The following TRAIP variants were observed in gnomAD, a reference collection of about 807,000 sequenced individuals.
The protein encoded by TRAIP is E3 ubiquitin-protein ligase TRAIP.
In TRAIP, 37 loss-of-function variants were observed where a neutral mutation model predicts 65.0. That is an observed-to-expected ratio of 0.57 (90% CI 0.44 to 0.75). The LOEUF (loss-of-function observed/expected upper bound fraction) is 0.75. Ranked by LOEUF, TRAIP falls within the 30% of genes least tolerant of loss-of-function variation. TRAIP has a pLI of 0.00. For missense variants in TRAIP, 481 were observed against 579.4 expected (o/e 0.83, Z 1.74); for synonymous variants, 187 against 219.1 (o/e 0.85, Z 1.29).
chr3:49,847,821 A>G (rs147667048), intron 2 of TRAIP, among the ~76,000 whole-genome samples: 5 of 152,212 alleles, frequency 3.3e-5, no homozygotes, highest in East Asian at 1.9e-4. Flanking sequence ...CACTGAAGTC[A>G]TATTACTACA....
In TRAIP at chr3:49,844,455, C is replaced by T. The variant is rs778365250; in HGVS notation, c.280+86G>A. 111 of 1,482,988 alleles carry T rather than the reference C, an allele frequency of 7.5e-5. 1 individual carries two copies. The Middle Eastern group carries it at 8.5e-4, about 11-fold the overall frequency. The allele number at this position is 1,482,988 out of a possible 1,614,324, so 91.9% of individuals were successfully genotyped here. On this transcript the variant is annotated intron_variant, in intron 4 of 14. Coordinates refer to ENST00000331456, the MANE Select transcript of TRAIP (RefSeq NM_005879.3). ...AGGGAAAGGCCCTGGCTCTCCCAAACGGTTTGAAACCTTCCTCCTAGGGCC... is the reference window on the plus strand; with the variant it reads ...AGGGAAAGGCCCTGGCTCTCCCAAATGGTTTGAAACCTTCCTCCTAGGGCC...
At position 49,841,687 on chromosome 3, in the gene TRAIP, T is replaced by C. The variant is rs922523726; in HGVS notation, c.617+139A>G. ...GCCACATAGTTGCTGAAAGGTGGAA[T>C]CAGGGTTCAAACAAAGGCAGCATGG... On this transcript the variant is annotated intron_variant, in intron 7 of 14. Transcript: ENST00000331456. 11 of 644,236 alleles carry C rather than the reference T, an allele frequency of 1.7e-5. No homozygotes were observed. The Admixed American group carries it at 3.2e-4, about 18-fold the overall frequency. 39.9% of individuals were successfully genotyped at this position (644,236 alleles called of 1,614,324 possible).
intron 3 of TRAIP, among the ~76,000 whole-genome samples, chr3:49,846,472 G>A (rs2081883469): frequency 6.6e-6 from 1 of 152,138 alleles, no homozygotes; most frequent in Admixed American, 6.6e-5. Flanking sequence ...TGTCCAAGCA[G>A]CAAAGTAGGC....
intron 10 of TRAIP, among the ~76,000 whole-genome samples, chr3:49,833,426 C>T (rs1039675974): frequency 6.6e-6 from 1 of 152,118 alleles, no homozygotes; most frequent in Non-Finnish European, 1.5e-5. Context: ...GCCTCCCTCA[C>T]TCCCCATATC....
intron 1 of TRAIP, among the ~76,000 whole-genome samples, chr3:49,849,173 T>G (rs2081910704): frequency 6.6e-6 from 1 of 150,702 alleles, no homozygotes; most frequent in Non-Finnish European, 1.5e-5. Context: ...AAATTTTTTG[T>G]TTTTTTGTTT....
chr3:49,844,690 G>A, intron 3 of TRAIP, 110 bp from the exon 4 acceptor site: 2 of 1,265,304 alleles, frequency 1.6e-6, no homozygotes, highest in Non-Finnish European at 2.3e-6. Flanking sequence ...GGCCTTCTAG[G>A]GCATGAATCC....
At chr3:49,829,984 A>G in intron 12 of TRAIP, 36 bp downstream of exon 12, 1 of 1,613,380 alleles carries the variant, frequency 6.2e-7, no homozygotes, top group East Asian at 2.2e-5. Flanking sequence ...CAGTCCTGCC[A>G]AAGGTTAGAC....
At chr3:49,840,874 C>G (rs2081833270) in intron 8 of TRAIP, 111 bp downstream of exon 8, 4 of 992,400 alleles carry the variant, frequency 4.0e-6, no homozygotes, top group Non-Finnish European at 6.3e-6. Flanking sequence ...CTCCAGCTGC[C>G]CCAGGGAGTC....
chr3:49,839,786 G>A lies in TRAIP; in HGVS notation c.870C>T (p.Arg290=), dbSNP rs575495088. 25 of 1,614,208 alleles carry A rather than the reference G, an allele frequency of 1.5e-5. 1 individual carries two copies. The South Asian group carries it at 1.9e-4, about 12-fold the overall frequency. The change falls in exon 10 of 15, where the codon CGC becomes CGT. Residue 290 remains arginine, a synonymous_variant. Transcript: ENST00000331456. ...LPPVASETVD[R]LVLESPAPVE... is the part of the protein sequence containing the mutation. ...GCTCAACAAACCTCTCTAAAACCAGGCGGTCGACAGTCTCACTGGCCACTG... is the reference window on the plus strand; with the variant it reads ...GCTCAACAAACCTCTCTAAAACCAGACGGTCGACAGTCTCACTGGCCACTG...
At chr3:49,842,667 C>A in intron 5 of TRAIP, 120 bp from the exon 6 acceptor site, 1 of 884,530 alleles carries the variant, frequency 1.1e-6, no homozygotes. Context: ...TGCTGATAAC[C>A]ATGTACTCCC....
intron 6 of TRAIP, among the ~76,000 whole-genome samples, chr3:49,842,242 T>C (rs1029668170): frequency 3.3e-5 from 5 of 152,066 alleles, no homozygotes; most frequent in African/African-American, 1.2e-4. Flanking sequence ...CAGGGAGGAA[T>C]GTGGCAAGGG....
At chr3:49,831,805 G>A in intron 11 of TRAIP, 111 bp downstream of exon 11, 1 of 1,292,950 alleles carries the variant, frequency 7.7e-7, no homozygotes, top group Non-Finnish European at 1.0e-6. Context: ...GCCAAGCCTA[G>A]GCAACCCTCA....
At position 49,829,129 on chromosome 3, in the gene TRAIP, T is replaced by C; in HGVS notation, c.1384A>G (p.Lys462Glu). 3 of 1,614,228 alleles carry C rather than the reference T, an allele frequency of 1.9e-6. No homozygotes were observed. The highest frequency in any genetic ancestry group is 3.3e-5 in the Admixed American group (2 of 60,024). Reference sequence around the variant, plus strand: ...CACGACCACAGGAAGGTGTCCAGCTTGGCCTGGAAGAGAGAAGGCACTGTC... The same window carrying C: ...CACGACCACAGGAAGGTGTCCAGCTCGGCCTGGAAGAGAGAAGGCACTGTC... ...VKTVPSLFQAKLDTFLWS is the reference protein window; with the variant it reads ...VKTVPSLFQAELDTFLWS The change falls in exon 15 of 15, where the codon AAG (lysine) becomes GAG (glutamate). Residue 462 changes from lysine to glutamate, a missense_variant. Coordinates refer to ENST00000331456, the MANE Select transcript of TRAIP (RefSeq NM_005879.3).
At chr3:49,842,373 C>G (rs2081846571) in intron 6 of TRAIP, 80 bp downstream of exon 6, 1 of 1,413,352 alleles carries the variant, frequency 7.1e-7, no homozygotes, top group African/African-American at 1.4e-5. Flanking sequence ...CAATCCCACT[C>G]CCTGCTGCAG....
intron 11 of TRAIP, 126 bp from the exon 12 acceptor site, chr3:49,830,194 C>T (rs1340080720): frequency 2.1e-5 from 22 of 1,066,758 alleles, no homozygotes; most frequent in Non-Finnish European, 2.8e-5. Context: ...GCATTCTGGG[C>T]AAGGCACCTC....
chr3:49,856,304 C>G (rs1389985278), intron 1 of TRAIP, 52 bp downstream of exon 1: 5 of 1,524,444 alleles, frequency 3.3e-6, no homozygotes, highest in Non-Finnish European at 4.5e-6. Flanking sequence ...CACCTCAAGG[C>G]CCTGAAGCGG....
At chr3:49,832,125 C>A in intron 10 of TRAIP, 57 bp from the exon 11 acceptor site, 5 of 1,477,082 alleles carry the variant, frequency 3.4e-6, no homozygotes, top group Non-Finnish European at 3.6e-6. Flanking sequence ...AGGACAACAG[C>A]TCCTGAAGCA....
chr3:49,829,581 G>A, intron 13 of TRAIP, 36 bp downstream of exon 13: 1 of 1,614,150 alleles, frequency 6.2e-7, no homozygotes, highest in South Asian at 1.1e-5. Context: ...CTACCCAAGA[G>A]GGCTGGCTCC....
intron 7 of TRAIP, among the ~76,000 whole-genome samples, chr3:49,841,618 A>T (rs2081840122): frequency 6.6e-6 from 1 of 152,254 alleles, no homozygotes; most frequent in Non-Finnish European, 1.5e-5. Flanking sequence ...TACTATTTCC[A>T]TTCAGGAAGT....
Sources: allele counts gnomAD v4.1 joint callset (sites outside exome capture counted in the v4.1 genomes callset), GRCh38; gene constraint gnomAD v4.1.1; transcripts MANE v1.5; gene names NCBI Gene and HGNC (gene_info 2026-07-23, HGNC 2026-07-21).